MYO1D: variants seen among roughly 807,000 people sequenced by gnomAD.
MYO1D encodes the protein unconventional myosin-Id.
Under a neutral mutation model 122.0 loss-of-function variants are expected in MYO1D, and 83 were observed. The observed-to-expected ratio is 0.68, with a 90% CI of 0.57 to 0.82. The LOEUF (loss-of-function observed/expected upper bound fraction) is 0.82. MYO1D is among the 40% of genes least tolerant of loss of function. The probability of loss-of-function intolerance (pLI) is 0.00; values close to 1 mark genes in which losing one functional copy is unlikely to be tolerated. For synonymous variants in MYO1D, 464 were observed against 446.9 expected, an observed-to-expected ratio of 1.04 and a Z score of -0.48; for missense variants, 1,157 against 1,269.5, an observed-to-expected ratio of 0.91 and a Z score of 1.35.
At chr17:32,581,774 T>TGC (rs2087343519) in intron 21 of MYO1D, among the ~76,000 whole-genome samples, 1 of 151,886 alleles carries the variant, frequency 6.6e-6, no homozygotes, top group African/African-American at 2.4e-5. Context: ...TGTGTATGTG[T>TGC]GTGTGTTTTG....
chr17:32,582,526 A>G (rs1030720958), intron 21 of MYO1D, among the ~76,000 whole-genome samples: 1 of 152,142 alleles, frequency 6.6e-6, no homozygotes, highest in African/African-American at 2.4e-5. Context: ...GAGATTTTGA[A>G]TGCTTTTACA....
At chr17:32,837,774 T>G (rs1427093773) in intron 1 of MYO1D, among the ~76,000 whole-genome samples, 2 of 152,168 alleles carry the variant, frequency 1.3e-5, no homozygotes, top group African/African-American at 4.8e-5. Context: ...CTATTTTTTA[T>G]CAGTCTGATA....
intron 21 of MYO1D, among the ~76,000 whole-genome samples, chr17:32,511,527 T>A (rs939874981): frequency 1.3e-5 from 2 of 151,842 alleles, no homozygotes; most frequent in African/African-American, 4.9e-5. Context: ...ACTTCTCATC[T>A]CTTGATGCTC....
At chr17:32,510,479 A>C (rs1010747831) in intron 21 of MYO1D, 2 of 152,234 alleles carry the variant, frequency 1.3e-5, no homozygotes, top group Non-Finnish European at 2.9e-5. Flanking sequence ...CAGGCTGCTA[A>C]AGAAAGAGGC....
At chr17:32,521,015 C>G (rs1910118234) in intron 21 of MYO1D, among the ~76,000 whole-genome samples, 1 of 152,232 alleles carries the variant, frequency 6.6e-6, no homozygotes, top group Non-Finnish European at 1.5e-5. Context: ...TCAGCAAAAT[C>G]TAGAGATAAC....
intron 20 of MYO1D, among the ~76,000 whole-genome samples, chr17:32,631,188 A>G (rs2088000705): frequency 2.0e-5 from 3 of 152,166 alleles, no homozygotes; most frequent in Admixed American, 1.3e-4. Flanking sequence ...ATATGATGGG[A>G]AAAAAACAGG....
At chr17:32,668,622 T>C (rs1293161758) in intron 16 of MYO1D, among the ~76,000 whole-genome samples, 2 of 152,198 alleles carry the variant, frequency 1.3e-5, no homozygotes, top group Admixed American at 6.5e-5. Flanking sequence ...TTCAATAAGT[T>C]TGGAAAAGCT....
chr17:32,863,744 C>T (rs891931197), intron 1 of MYO1D, among the ~76,000 whole-genome samples: 1 of 152,176 alleles, frequency 6.6e-6, no homozygotes, highest in Non-Finnish European at 1.5e-5. Flanking sequence ...AAGGCACGAA[C>T]ATCTGAGTGC....
chr17:32,748,828 G>T, intron 12 of MYO1D, 108 bp downstream of exon 12: 1 of 1,025,388 alleles, frequency 9.8e-7, no homozygotes, highest in South Asian at 1.4e-5. Flanking sequence ...CATATCAAAT[G>T]ACCAAAACAT....
intron 21 of MYO1D, among the ~76,000 whole-genome samples, chr17:32,573,907 A>T (rs922238400): frequency 6.6e-6 from 1 of 152,072 alleles, no homozygotes; most frequent in Admixed American, 6.6e-5. Flanking sequence ...GCTGGAGTGC[A>T]GTGGCGCAAT....
chr17:32,722,264 G>A (rs1300672839), intron 14 of MYO1D, among the ~76,000 whole-genome samples: 2 of 152,124 alleles, frequency 1.3e-5, no homozygotes, highest in Non-Finnish European at 2.9e-5. Context: ...TCCTATTGCT[G>A]CTATAGCAGA....
At chr17:32,570,126 GCTGGAATCTCT>G (rs151133312) in intron 21 of MYO1D, among the ~76,000 whole-genome samples, 3,534 of 152,222 alleles carry the variant, frequency 0.023, 74 homozygotes, top group Middle Eastern at 0.078. Flanking sequence ...TGCTGAATTG[GCTGGAATCTCT>G]AAGTTCCTTC....
At chr17:32,738,824 A>G (rs73981783) in intron 13 of MYO1D, among the ~76,000 whole-genome samples, 2,973 of 152,300 alleles carry the variant, frequency 0.02, 115 homozygotes, top group African/African-American at 0.069. Context: ...AATAATTTAT[A>G]TATTAATAGA....
intron 21 of MYO1D, among the ~76,000 whole-genome samples, chr17:32,559,763 G>A (rs535449266): frequency 3.9e-5 from 6 of 151,982 alleles, no homozygotes; most frequent in South Asian, 4.2e-4. Context: ...ATCCTAATAC[G>A]TTTTACTATC....
chr17:32,519,066 G>C (rs1035761951), intron 21 of MYO1D: 1 of 152,464 alleles, frequency 6.6e-6, no homozygotes, highest in Non-Finnish European at 1.5e-5. Context: ...AAGTGACACC[G>C]CTCCCTCTCA....
At chr17:32,730,469 CT>C (rs1346221266) in intron 14 of MYO1D, among the ~76,000 whole-genome samples, 1 of 152,142 alleles carries the variant, frequency 6.6e-6, no homozygotes, top group Non-Finnish European at 1.5e-5. Flanking sequence ...TATACTCTTC[CT>C]ATTGTCTGAT....
At chr17:32,735,811 T>A (rs1038768389) in intron 14 of MYO1D, among the ~76,000 whole-genome samples, 1 of 152,200 alleles carries the variant, frequency 6.6e-6, no homozygotes, top group Non-Finnish European at 1.5e-5. Context: ...TCTGTATTAA[T>A]ACTTGCTTTC....
intron 16 of MYO1D, among the ~76,000 whole-genome samples, chr17:32,671,766 C>T (rs1196233164): frequency 6.6e-6 from 1 of 152,086 alleles, no homozygotes; most frequent in Admixed American, 6.5e-5. Flanking sequence ...TTAATGGATG[C>T]TAAGTTAATT....
intron 14 of MYO1D, among the ~76,000 whole-genome samples, chr17:32,725,547 GA>G (rs907306984): frequency 0.014 from 1,978 of 145,944 alleles, 21 homozygotes; most frequent in Non-Finnish European, 0.019. Context: ...AATAGGTGAA[GA>G]AAAAAAAAAT....
Sources: allele counts gnomAD v4.1 joint callset (sites outside exome capture counted in the v4.1 genomes callset), GRCh38; gene constraint gnomAD v4.1.1; transcripts MANE v1.5; gene names NCBI Gene and HGNC (gene_info 2026-07-23, HGNC 2026-07-21).